Variants in OAS3 observed in about 807,000 individuals in gnomAD.
OAS3 encodes 2'-5'-oligoadenylate synthase 3.
In OAS3, 107 loss-of-function variants were observed where a neutral mutation model predicts 113.0. The observed-to-expected ratio is 0.95, with a 90% CI of 0.81 to 1.11. OAS3 has a LOEUF of 1.11. OAS3 is among the 50% of genes most tolerant of loss of function. The pLI is 0.00. For missense variants in OAS3, 1,258 were observed against 1,389.1 expected (o/e 0.91, Z 1.50); for synonymous variants, 552 against 573.6 (o/e 0.96, Z 0.54).
At chr12:112,967,785 C>A in intron 13 of OAS3, 151 bp from the exon 14 acceptor site, 2 of 1,064,254 alleles carry the variant, frequency 1.9e-6, no homozygotes, top group Non-Finnish European at 2.7e-6. Flanking sequence ...AACTATGTCA[C>A]AGGATGTGAT....
At chr12:112,943,501 C>T (rs550836487) in intron 2 of OAS3, among the ~76,000 whole-genome samples, 5 of 152,172 alleles carry the variant, frequency 3.3e-5, no homozygotes, top group East Asian at 3.9e-4. Context: ...GGAGTGGTGG[C>T]GGAAAAGGCG....
intron 7 of OAS3, among the ~76,000 whole-genome samples, chr12:112,956,944 G>A (rs1198663096): frequency 6.6e-6 from 1 of 152,186 alleles, no homozygotes; most frequent in Non-Finnish European, 1.5e-5. Context: ...GGGTGTTACA[G>A]TCTCCCATTA....
chr12:112,951,001 G>T, intron 7 of OAS3, 26 bp downstream of exon 7: 2 of 1,602,334 alleles, frequency 1.2e-6, no homozygotes, highest in Non-Finnish European at 1.7e-6. Context: ...CTGTCCCTTG[G>T]AGAGTGATAG....
chr12:112,956,960 G>A (rs912017633), intron 7 of OAS3, among the ~76,000 whole-genome samples: 5 of 152,136 alleles, frequency 3.3e-5, no homozygotes, highest in African/African-American at 1.2e-4. Context: ...CATTATTATT[G>A]TGTGGGAGTC....
intron 1 of OAS3, among the ~76,000 whole-genome samples, 164 bp from the exon 2 acceptor site, chr12:112,941,406 C>T (rs569933249): frequency 2.0e-5 from 3 of 152,258 alleles, no homozygotes; most frequent in Non-Finnish European, 4.4e-5. Context: ...CTTGAAATCT[C>T]GAGCCTGGCT....
rs938024678 is a variant in OAS3, at chr12:112,960,942, G to C, written c.1658-129G>C. 12 of 832,600 alleles carry C rather than the reference G, an allele frequency of 1.4e-5. No homozygotes were observed. The Admixed American group carries it at 1.8e-4, about 12-fold the overall frequency. 51.6% of individuals were successfully genotyped at this position (832,600 alleles called of 1,614,324 possible). ...GCTCTGATTGTTATTCAATGTTATA[G>C]TGTATTATTGATTGCAATGTTAGGT... On this transcript the variant is annotated intron_variant, in intron 7 of 15. Coordinates refer to ENST00000228928, the MANE Select transcript of OAS3 (RefSeq NM_006187.4).
intron 7 of OAS3, 87 bp downstream of exon 7, chr12:112,951,062 C>A: frequency 7.4e-7 from 1 of 1,347,928 alleles, no homozygotes; most frequent in Non-Finnish European, 1.0e-6. Flanking sequence ...CTTTGTGATC[C>A]TAATTCTCCT....
Position 112,949,049 on chromosome 12 carries a change from G to A in OAS3, c.1218G>A (p.Leu406=), listed in dbSNP as rs1470879427. The A allele has an allele frequency of 2.5e-6, 4 of 1,614,050 alleles. No homozygotes were observed. Among genetic ancestry groups the A allele is most frequent in the Non-Finnish European group, 3.4e-6 (4 of 1,179,902 alleles). The change falls in exon 6 of 16, where the codon TTG becomes TTA. Residue 406 remains leucine, a synonymous_variant. Coordinates refer to ENST00000228928, the MANE Select transcript of OAS3 (RefSeq NM_006187.4). The stretch of plus-strand genomic sequence containing the variant: ...TCCCCTCTGTGCCGGGAATGGCCTT[G>A]GACCTGTCTCAGATCCCCACCAAGG... ...SIVPSVPGMA[L]DLSQIPTKEL... is the part of the protein sequence containing the mutation.
rs776679282 is a variant in OAS3 at position 112,950,945 on chromosome 12, G to A, written c.1627G>A (p.Val543Ile). Residue 543 changes from valine (V) to isoleucine (I), a missense_variant, in exon 7 of 16, where the codon GTT becomes ATT. Transcript: ENST00000228928. ...VSTALKSWTD[V>I]SLLPAFDAVG... ...CACAGCCCTGAAGAGCTGGACGGAT[G>A]TTAGCCTGCTGCCTGCCTTCGATGC... The A allele has an allele frequency of 8.7e-6, 14 of 1,613,770 alleles. No individual in the cohort carries two copies. In the East Asian group the frequency reaches 3.1e-4, roughly 36 times the overall value.
At chr12:112,951,337 CA>C (rs1265883717) in intron 7 of OAS3, among the ~76,000 whole-genome samples, 1 of 151,894 alleles carries the variant, frequency 6.6e-6, no homozygotes, top group Non-Finnish European at 1.5e-5. Flanking sequence ...CTTTATGGTT[CA>C]TTTTTTTTTA....
chr12:112,952,868 C>A (rs2136351511), intron 7 of OAS3, among the ~76,000 whole-genome samples: 1 of 152,266 alleles, frequency 6.6e-6, no homozygotes, highest in Middle Eastern at 3.4e-3. Flanking sequence ...TGTTTGCATG[C>A]ATGAATTTTG....
chr12:112,967,902 T>C (rs1013277117), intron 13 of OAS3, 34 bp from the exon 14 acceptor site: 2 of 1,599,956 alleles, frequency 1.3e-6, no homozygotes, highest in African/African-American at 2.7e-5. Context: ...TCAGTGCCAA[T>C]ATGAACCAAC....
At chr12:112,948,136 CTTTGTTTAT>C in intron 5 of OAS3, 37 bp downstream of exon 5, 1 of 1,481,524 alleles carries the variant, frequency 6.7e-7, no homozygotes, top group East Asian at 2.5e-5. Flanking sequence ...GGGTTTTGCA[CTTTGTTTAT>C]GTGTCCAGTG....
At position 112,971,814 on chromosome 12, in the gene OAS3, A is replaced by C. The variant is rs1009969766; in HGVS notation, c.*1841A>C. 4 of 152,250 alleles carry C rather than the reference A, an allele frequency of 2.6e-5. No homozygotes were observed. The highest frequency in any genetic ancestry group is 5.9e-5 in the Non-Finnish European group (4 of 68,058). 9.4% of individuals were successfully genotyped at this position (152,250 alleles called of 1,614,324 possible). A position where few individuals can be genotyped will look rare whatever the true frequency, so the allele number is the denominator to read the frequency against. The stretch of plus-strand genomic sequence containing the variant: ...GAGACTAGAGTAGGTGAAGGGACAG[A>C]GGACAGGGCTTCTAATACCTGTGCC... On this transcript the variant is annotated 3_prime_UTR_variant, in exon 16 of 16. Coordinates refer to ENST00000228928, the MANE Select transcript of OAS3 (RefSeq NM_006187.4).
In OAS3 at chr12:112,970,143, C is replaced by T. The variant is rs1310505414; in HGVS notation, c.*170C>T. On this transcript the variant is annotated 3_prime_UTR_variant, in exon 16 of 16. Transcript: ENST00000228928. ...GCATGTGTGTGTTTTAGTGAATCTG[C>T]TCTCCCAGCTCACACACTCCCCTGC... 1 of 753,530 alleles carries T rather than the reference C, an allele frequency of 1.3e-6. No homozygotes were observed. The highest frequency in any genetic ancestry group is 1.7e-5 in the African/African-American group (1 of 57,874). The allele number at this position is 753,530 out of a possible 1,614,324, so 46.7% of individuals were successfully genotyped here. A position where few individuals can be genotyped will look rare whatever the true frequency, so the allele number is the denominator to read the frequency against.
Position 112,972,847 on chromosome 12 carries a change from A to C in OAS3, c.*2874A>C, listed in dbSNP as rs1390430725. The C allele has an allele frequency of 6.6e-6, 1 of 151,800 alleles. No individual in the cohort carries two copies. The highest frequency in any genetic ancestry group is 1.5e-5 in the Non-Finnish European group (1 of 67,982). 9.4% of individuals were successfully genotyped at this position (151,800 alleles called of 1,614,324 possible). On this transcript the variant is annotated 3_prime_UTR_variant, in exon 16 of 16. Coordinates refer to ENST00000228928, the MANE Select transcript of OAS3 (RefSeq NM_006187.4). ...AAAGTGAAGACCAAGTCCAGAACTG[A>C]ATCCTAAGAAATGCAGGACTGCAAA... is the stretch of plus-strand genomic sequence containing the variant.
intron 11 of OAS3, among the ~76,000 whole-genome samples, chr12:112,965,150 G>A (rs1257185754): frequency 6.6e-6 from 1 of 152,224 alleles, no homozygotes; most frequent in Non-Finnish European, 1.5e-5. Flanking sequence ...GATCAGCTCA[G>A]AAAGAGTGTT....
At chr12:112,943,117 T>TA (rs2043694785) in intron 2 of OAS3, among the ~76,000 whole-genome samples, 5 of 151,976 alleles carry the variant, frequency 3.3e-5, no homozygotes, top group Admixed American at 2.6e-4. Context: ...GTATTTTTTA[T>TA]AGAGATAGGG....
In OAS3 at chr12:112,964,383, C is replaced by T; in HGVS notation, c.2378C>T (p.Pro793Leu). 5 of 1,612,276 alleles carry T rather than the reference C, an allele frequency of 3.1e-6. No individual in the cohort carries two copies. The highest frequency in any genetic ancestry group is 4.2e-6 in the Non-Finnish European group (5 of 1,179,266). The change falls in exon 11 of 16, where the codon CCC (proline) becomes CTC (leucine). Residue 793 changes from proline (P) to leucine (L), a missense_variant. Transcript: ENST00000228928. ...FLKENCFRNS[P>L]IKVIKVVKGG... ...AAGGAAAACTGCTTCCGGAATTCTCCCATCAAAGTGATCAAGGTGGTCAAG... is the reference window on the plus strand; with the variant it reads ...AAGGAAAACTGCTTCCGGAATTCTCTCATCAAAGTGATCAAGGTGGTCAAG...
Sources: gnomAD v4.1 joint callset for allele counts (sites outside exome capture counted in the v4.1 genomes callset) on GRCh38, gnomAD v4.1.1 for gene constraint, MANE v1.5 for transcripts, NCBI Gene and HGNC (gene_info 2026-07-23, HGNC 2026-07-21) for gene names.